Variants in CTNND2 observed in about 807,000 individuals in gnomAD.
CTNND2 encodes catenin delta-2.
Under a neutral mutation model 144.4 loss-of-function variants are expected in CTNND2, and 22 were observed. The observed-to-expected ratio is 0.15, with a 90% CI of 0.11 to 0.22. The LOEUF is 0.22. Among genes scored for constraint, CTNND2 ranks in the 10% least tolerant of loss-of-function variants. The probability of loss-of-function intolerance (pLI) is 1.00; values close to 1 mark genes in which losing one functional copy is unlikely to be tolerated. For missense variants in CTNND2, 1,353 were observed against 1,618.8 expected, an observed-to-expected ratio of 0.84 and a Z score of 2.82; for synonymous variants, 751 against 695.6, an observed-to-expected ratio of 1.08 and a Z score of -1.25.
In CTNND2 at chr5:11,485,733, T is replaced by C. The variant is rs541202482; in HGVS notation, c.288-73664A>G. The stretch of plus-strand genomic sequence containing the variant: ...TCTGTCTCATATGATATTGTACACT[T>C]TTCCAGGAAGATCAACATATTTGGG... On this transcript the variant is annotated intron_variant, in intron 3 of 21. Transcript: ENST00000304623. 5.5e-4 allele frequency among the ~76,000 whole-genome samples: 83 copies of C among 152,264 alleles called. 2 individuals are homozygous for C. The highest frequency in any genetic ancestry group is 6.8e-3 in the Middle Eastern group (2 of 294).
intron 5 of CTNND2, among the ~76,000 whole-genome samples, chr5:11,410,627 A>G (rs1318837880): frequency 1.3e-5 from 2 of 152,150 alleles, no homozygotes; most frequent in Non-Finnish European, 2.9e-5. Flanking sequence ...CCTAATCCAC[A>G]ACCATTCTGG....
At chr5:11,313,942 T>G (rs1224070807) in intron 9 of CTNND2, among the ~76,000 whole-genome samples, 2 of 151,964 alleles carry the variant, frequency 1.3e-5, no homozygotes, top group Non-Finnish European at 2.9e-5. Context: ...CAACCAGATC[T>G]CGTGAGAACT....
At chr5:11,282,999 C>T (rs887992002) in intron 9 of CTNND2, among the ~76,000 whole-genome samples, 1 of 152,176 alleles carries the variant, frequency 6.6e-6, no homozygotes, top group African/African-American at 2.4e-5. Flanking sequence ...AATTAAGACC[C>T]TTCAGCTGAC....
At position 11,120,883 on chromosome 5, in the gene CTNND2, C is replaced by T. The variant is rs190755488; in HGVS notation, c.2160-3316G>A. On this transcript the variant is annotated intron_variant, in intron 12 of 21. Coordinates refer to ENST00000304623, the MANE Select transcript of CTNND2 (RefSeq NM_001332.4). Reference sequence around the variant, plus strand: ...CTATAGGCCTCTGGGCTTGGGTTTCCACTTTTAATCAACTATGCCTCAGTG... The same window carrying T: ...CTATAGGCCTCTGGGCTTGGGTTTCTACTTTTAATCAACTATGCCTCAGTG... Among the ~76,000 whole-genome samples the T allele has an allele frequency of 2.6e-5, 4 of 152,308 alleles. No individual in the cohort carries two copies. In the East Asian group the frequency reaches 5.8e-4, roughly 22 times the overall value.
At chr5:11,480,177 A>AT (rs1768114570) in intron 3 of CTNND2, among the ~76,000 whole-genome samples, 1 of 151,926 alleles carries the variant, frequency 6.6e-6, no homozygotes, top group Non-Finnish European at 1.5e-5. Flanking sequence ...TCTCGAGTTG[A>AT]TTTTTGCGTG....
intron 3 of CTNND2, among the ~76,000 whole-genome samples, chr5:11,431,135 TTTC>T (rs1483226509): frequency 6.6e-6 from 1 of 152,226 alleles, no homozygotes; most frequent in Non-Finnish European, 1.5e-5. Flanking sequence ...TTTTATGGAC[TTTC>T]TTCTTTTTCC....
intron 3 of CTNND2, among the ~76,000 whole-genome samples, chr5:11,562,779 G>A (rs909090740): frequency 1.3e-5 from 2 of 152,320 alleles, no homozygotes; most frequent in South Asian, 2.1e-4. Flanking sequence ...CACTTTGGAT[G>A]TAATAAATGA....
chr5:11,217,272 A>C (rs979275136), intron 10 of CTNND2, among the ~76,000 whole-genome samples: 2 of 152,216 alleles, frequency 1.3e-5, no homozygotes, highest in Non-Finnish European at 2.9e-5. Context: ...TGAGTCATTC[A>C]AGAGAATACA....
At chr5:11,125,861 C>T (rs1449469876) in intron 12 of CTNND2, among the ~76,000 whole-genome samples, 2 of 152,290 alleles carry the variant, frequency 1.3e-5, no homozygotes, top group East Asian at 3.9e-4. Context: ...GATTATTTTC[C>T]ACTCGTATTA....
At chr5:11,724,414 A>G (rs1786885207) in intron 2 of CTNND2, among the ~76,000 whole-genome samples, 1 of 152,148 alleles carries the variant, frequency 6.6e-6, no homozygotes, top group Non-Finnish European at 1.5e-5. Flanking sequence ...TTTTGACAGG[A>G]GGTCTCTATT....
chr5:11,630,827 G>A (rs1411822431), intron 2 of CTNND2, among the ~76,000 whole-genome samples: 1 of 151,882 alleles, frequency 6.6e-6, no homozygotes, highest in Non-Finnish European at 1.5e-5. Flanking sequence ...GGTGGTGGGT[G>A]TCTGTAATCC....
chr5:11,873,421 A>G (rs950942533), intron 1 of CTNND2, among the ~76,000 whole-genome samples: 2 of 152,206 alleles, frequency 1.3e-5, no homozygotes, highest in Non-Finnish European at 2.9e-5. Context: ...AAACCTAGTT[A>G]GTGGATATAC....
At chr5:11,716,118 C>T (rs1786336252) in intron 2 of CTNND2, among the ~76,000 whole-genome samples, 1 of 152,186 alleles carries the variant, frequency 6.6e-6, no homozygotes, top group South Asian at 2.1e-4. Flanking sequence ...GGTATCTGGA[C>T]TATTCACAGA....
At chr5:11,845,692 C>T (rs1447749907) in intron 1 of CTNND2, among the ~76,000 whole-genome samples, 1 of 152,174 alleles carries the variant, frequency 6.6e-6, no homozygotes, top group Non-Finnish European at 1.5e-5. Flanking sequence ...GTTTGCGATG[C>T]TTTGTTACAG....
chr5:11,898,531 A>C (rs1737587349), intron 1 of CTNND2, among the ~76,000 whole-genome samples: 1 of 152,212 alleles, frequency 6.6e-6, no homozygotes, highest in African/African-American at 2.4e-5. Flanking sequence ...AGGCAAGAGA[A>C]GTGTATTTTC....
At chr5:11,162,084 G>A (rs1431469165) in intron 11 of CTNND2, among the ~76,000 whole-genome samples, 2 of 151,868 alleles carry the variant, frequency 1.3e-5, no homozygotes, top group East Asian at 1.9e-4. Flanking sequence ...TGGGAGTGGG[G>A]GGGGGTTGCA....
chr5:11,152,911 T>A (rs1757873043), intron 12 of CTNND2, among the ~76,000 whole-genome samples: 1 of 152,116 alleles, frequency 6.6e-6, no homozygotes, highest in Admixed American at 6.6e-5. Flanking sequence ...GAGTGGTGTG[T>A]CTCATCTGTT....
chr5:11,598,213 A>G (rs1259886624), intron 2 of CTNND2, among the ~76,000 whole-genome samples: 1 of 152,184 alleles, frequency 6.6e-6, no homozygotes, highest in Non-Finnish European at 1.5e-5. Context: ...ATAATCATTT[A>G]TAGTTTTAAG....
intron 9 of CTNND2, among the ~76,000 whole-genome samples, chr5:11,322,162 A>G (rs75405443): frequency 0.016 from 2,430 of 152,238 alleles, 57 homozygotes; most frequent in African/African-American, 0.056. Flanking sequence ...CTATTCTTCA[A>G]TTGCCTCATG....
Sources: allele counts gnomAD v4.1 joint callset (sites outside exome capture counted in the v4.1 genomes callset), GRCh38; gene constraint gnomAD v4.1.1; transcripts MANE v1.5; gene names NCBI Gene and HGNC (gene_info 2026-07-23, HGNC 2026-07-21).